GCA: variants seen among roughly 807,000 people sequenced by gnomAD.
GCA encodes the protein grancalcin.
GCA carries 30 observed loss-of-function variants against 32.6 expected under a neutral mutation model. That is an observed-to-expected ratio of 0.92 (90% CI 0.69 to 1.25). GCA has a LOEUF of 1.25. Ranked by LOEUF, GCA falls within the 50% of genes most tolerant of loss-of-function variation. The pLI, the probability that GCA is intolerant of heterozygous loss-of-function variation, is 0.00. For synonymous variants in GCA, 102 were observed against 84.6 expected (o/e 1.21, Z -1.13); for missense variants, 291 against 266.8 (o/e 1.09, Z -0.63).
At chr2:162,355,000 C>T (rs541382373) in intron 3 of GCA, among the ~76,000 whole-genome samples, 58 of 152,126 alleles carry the variant, frequency 3.8e-4, no homozygotes, top group Non-Finnish European at 6.9e-4. Flanking sequence ...ATCATTAATT[C>T]GGATTCTCCC....
intron 1 of GCA, among the ~76,000 whole-genome samples, chr2:162,345,217 A>T (rs2105307156): frequency 6.6e-6 from 1 of 151,464 alleles, no homozygotes; most frequent in Non-Finnish European, 1.5e-5. Context: ...CCTAAAATTG[A>T]TTTGCTTTCC....
chr2:162,365,674 A>C (rs1417610836), downstream of GCA, among the ~76,000 whole-genome samples: 1 of 151,656 alleles, frequency 6.6e-6, no homozygotes, highest in Non-Finnish European at 1.5e-5. Flanking sequence ...ACTGGTAAAC[A>C]TTCTGGTGTA....
chr2:162,352,168 T>G (rs1464173503), intron 2 of GCA, among the ~76,000 whole-genome samples, 170 bp from the exon 3 acceptor site: 1 of 152,186 alleles, frequency 6.6e-6, no homozygotes, highest in Non-Finnish European at 1.5e-5. Flanking sequence ...GGTATGATAT[T>G]TTGTAATATG....
At chr2:162,328,934 A>G (rs970469063) in intron 1 of GCA, among the ~76,000 whole-genome samples, 1 of 152,094 alleles carries the variant, frequency 6.6e-6, no homozygotes, top group African/African-American at 2.4e-5. Flanking sequence ...CTCTCCACTG[A>G]CTATCCCAGC....
rs375649533 is a variant in GCA at position 162,344,150 on chromosome 2, AC to A, written c.-97del. ...TGCGGTTAGTGCGCCTTTCAGCCTC[AC>A]CTGCAGCTGCGCCTCCTTGCACCTG... On this transcript the variant is annotated 5_prime_UTR_variant, in exon 1 of 8. Transcript: ENST00000437150. 93 of 1,307,304 alleles carry A rather than the reference AC, an allele frequency of 7.1e-5. No homozygotes were observed. Among genetic ancestry groups the A allele is most frequent in the East Asian group, 5.6e-4 (24 of 43,132 alleles). The allele number at this position is 1,307,304 out of a possible 1,614,324, so 81.0% of individuals were successfully genotyped here.
rs1685557845 is a variant in GCA at position 162,361,217 on chromosome 2, T to C, written c.*974T>C. ...CCAGTAAGTATTTTGAGTGCATCTA[T>C]GTGATGTGGTGTTTTGAGCATAGTA... On this transcript the variant is annotated 3_prime_UTR_variant, in exon 8 of 8. Coordinates refer to ENST00000437150, the MANE Select transcript of GCA (RefSeq NM_012198.5). 2.0e-6 allele frequency: 2 copies of C among 984,688 alleles called. No individual in the cohort carries two copies. Among genetic ancestry groups the C allele is most frequent in the African/African-American group, 3.5e-5 (2 of 57,172 alleles). 61.0% of individuals were successfully genotyped at this position (984,688 alleles called of 1,614,324 possible).
intron 2 of GCA, 35 bp from the exon 3 acceptor site, chr2:162,352,303 G>A: frequency 8.2e-7 from 1 of 1,221,984 alleles, no homozygotes. Context: ...TTATACAACT[G>A]CACATTAAAT....
exon 5 of GCA, chr2:162,371,524 A>G (rs1685945833): frequency 2.7e-6 from 3 of 1,112,008 alleles, no homozygotes; most frequent in Non-Finnish European, 3.5e-6. Flanking sequence ...AGCAGTAAAT[A>G]GGAGTCTCCA....
In GCA at chr2:162,353,126, T is replaced by C. The variant is rs150016405; in HGVS notation, c.262+719T>C. Among the ~76,000 whole-genome samples the C allele has an allele frequency of 4.6e-3, 702 of 152,156 alleles. 8 individuals carry two copies. Among genetic ancestry groups the C allele is most frequent in the Non-Finnish European group, 5.1e-3 (349 of 67,980 alleles). ...TCTCTTGTTGTCCTCTTTTAAAAAA[T>C]TCATTATCTTATTTTAGTGAAATGT... On this transcript the variant is annotated intron_variant, in intron 3 of 7. Transcript: ENST00000437150.
Position 162,361,871 on chromosome 2 carries a change from G to T in GCA, c.*1628G>T, listed in dbSNP as rs1395142834. On this transcript the variant is annotated 3_prime_UTR_variant, in exon 8 of 8. Transcript: ENST00000437150. ...GTTCACATCGAATGGTGATAATGTC[G>T]CTCAGCAACCTGTAATCTTAACATC... 1 of 984,256 alleles carries T rather than the reference G, an allele frequency of 1.0e-6. No individual in the cohort carries two copies. Among genetic ancestry groups the T allele is most frequent in the Non-Finnish European group, 1.2e-6 (1 of 829,112 alleles). The allele number at this position is 984,256 out of a possible 1,614,324, so 61.0% of individuals were successfully genotyped here.
chr2:162,373,265 C>G (rs1686031386), downstream of GCA, among the ~76,000 whole-genome samples: 1 of 152,112 alleles, frequency 6.6e-6, no homozygotes, highest in African/African-American at 2.4e-5. Context: ...CTTCATTGTT[C>G]TCAAACTTTA....
chr2:162,341,531 T>C (rs1684449956), upstream of GCA, among the ~76,000 whole-genome samples: 1 of 152,032 alleles, frequency 6.6e-6, no homozygotes, highest in Non-Finnish European at 1.5e-5. Flanking sequence ...AGAAATTCCA[T>C]AGTTAGACAT....
chr2:162,320,032 G>A (rs950554890), intron 1 of GCA, among the ~76,000 whole-genome samples: 3 of 152,190 alleles, frequency 2.0e-5, no homozygotes, highest in Non-Finnish European at 2.9e-5. Flanking sequence ...ATTGTAAGCT[G>A]CTTGAAGAAG....
intron 2 of GCA, among the ~76,000 whole-genome samples, chr2:162,350,430 C>T (rs1488930532): frequency 6.6e-6 from 1 of 152,132 alleles, no homozygotes; most frequent in Non-Finnish European, 1.5e-5. Flanking sequence ...AAACAATAAA[C>T]CCCTATTGGT....
chr2:162,340,173 G>T (rs746173065), upstream of GCA, among the ~76,000 whole-genome samples: 20 of 152,222 alleles, frequency 1.3e-4, no homozygotes, highest in Middle Eastern at 0.01. Context: ...TTGGAGAAAG[G>T]TCTGTTAAGA....
chr2:162,372,670 AGAACGTCTTAAATTAAATT>A, downstream of GCA, among the ~76,000 whole-genome samples: 1 of 152,126 alleles, frequency 6.6e-6, no homozygotes, highest in African/African-American at 2.4e-5. Context: ...TTCATTTTCC[AGAACGTCTTAAATTAAATT>A]CCCGAACATC....
intron 1 of GCA, among the ~76,000 whole-genome samples, chr2:162,331,935 C>G (rs4664465): frequency 0.038 from 5,837 of 152,256 alleles, 451 homozygotes; most frequent in Admixed American, 0.21. Flanking sequence ...TAGTCTGGAA[C>G]ATTCATCTGC....
At position 162,360,346 on chromosome 2, in the gene GCA, A is replaced by G. The variant is rs186284645; in HGVS notation, c.*103A>G. The stretch of plus-strand genomic sequence containing the variant: ...TTTAAGGGTTTTCTATGTTCTTCCT[A>G]CCTGTTAAACCTCTTCCCTTTCTGT... On this transcript the variant is annotated 3_prime_UTR_variant, in exon 8 of 8. Transcript: ENST00000437150. The G allele has an allele frequency of 1.1e-4, 158 of 1,462,024 alleles. No homozygotes were observed. The African/African-American group carries it at 2.2e-3, about 20-fold the overall frequency. The allele number at this position is 1,462,024 out of a possible 1,614,324, so 90.6% of individuals were successfully genotyped here.
chr2:162,364,099 G>T (rs1421582239), downstream of GCA, among the ~76,000 whole-genome samples: 1 of 151,390 alleles, frequency 6.6e-6, no homozygotes, highest in Non-Finnish European at 1.5e-5. Context: ...GGAGTGATTA[G>T]GTCCTAATTC....
Sources: allele counts gnomAD v4.1 joint callset (sites outside exome capture counted in the v4.1 genomes callset), GRCh38; gene constraint gnomAD v4.1.1; transcripts MANE v1.5; gene names NCBI Gene and HGNC (gene_info 2026-07-23, HGNC 2026-07-21).